The following TSPOAP1 variants were observed in gnomAD, a reference collection of about 807,000 sequenced individuals.
TSPOAP1 encodes TSPO associated protein 1, also known as peripheral-type benzodiazepine receptor-associated protein 1.
Under a neutral mutation model 197.0 loss-of-function variants are expected in TSPOAP1, and 87 were observed. The observed-to-expected ratio is 0.44, with a 90% CI of 0.37 to 0.53. The LOEUF (loss-of-function observed/expected upper bound fraction) is 0.53. Ranked by LOEUF, TSPOAP1 falls within the 20% of genes least tolerant of loss-of-function variation. The pLI, the probability that TSPOAP1 is intolerant of heterozygous loss-of-function variation, is 0.00. For missense variants in TSPOAP1, 2,174 were observed against 2,411.3 expected (o/e 0.90, Z 2.06); for synonymous variants, 913 against 998.9 (o/e 0.91, Z 1.62).
Position 58,307,899 on chromosome 17 carries a change from G to A in TSPOAP1, c.4774C>T (p.Arg1592Trp), listed in dbSNP as rs368227357. The A allele has an allele frequency of 5.0e-6, 8 of 1,613,288 alleles. No individual in the cohort carries two copies. Among genetic ancestry groups the A allele is most frequent in the South Asian group, 2.2e-5 (2 of 91,074 alleles). The change falls in exon 23 of 32, where the codon CGG becomes TGG. Residue 1592 changes from arginine (R) to tryptophan (W), a missense_variant. Transcript: ENST00000343736. ...GEARGQDGSG[R>W]RGPQKRGVRV... ...ACACCTCTCTTCTGGGGGCCCCTCCGCCCAGAGCCGTCCTGCCCTCTGGCC... is the reference window on the plus strand; with the variant it reads ...ACACCTCTCTTCTGGGGGCCCCTCCACCCAGAGCCGTCCTGCCCTCTGGCC...
rs1971562435 is a variant in TSPOAP1, at chr17:58,325,550, A to G, written c.734T>C (p.Leu245Pro). Reference protein sequence around the residue: ...QRECRELQARLTLVGKEGPQW... With the variant: ...QRECRELQARPTLVGKEGPQW... Reference sequence around the variant, plus strand: ...TCCTCGCACCTTGCCCACCAGAGTGAGCCTGGCCTGCAGCTCCCTGCACTC... The same window carrying G: ...TCCTCGCACCTTGCCCACCAGAGTGGGCCTGGCCTGCAGCTCCCTGCACTC... Residue 245 changes from leucine to proline, a missense_variant, in exon 4 of 32, where the codon CTC becomes CCC. By Grantham distance (98) the Leu-to-Pro change is moderately conservative. This residue lies in a region of TSPOAP1 where 1,933 missense variants were observed against 2,139.0 expected (regional missense o/e 0.90). Coordinates refer to ENST00000343736, the MANE Select transcript of TSPOAP1 (RefSeq NM_004758.4). 1 of 1,612,552 alleles carries G rather than the reference A, an allele frequency of 6.2e-7. No individual in the cohort carries two copies. The highest frequency in any genetic ancestry group is 8.5e-7 in the Non-Finnish European group (1 of 1,180,018).
intron 25 of TSPOAP1, 171 bp from the exon 26 acceptor site, chr17:58,306,584 G>A (rs1033910553): frequency 1.1e-6 from 1 of 891,290 alleles, no homozygotes; most frequent in African/African-American, 1.7e-5. Flanking sequence ...CAAAATTCCT[G>A]GCTGCATGGC....
In TSPOAP1 at chr17:58,328,210, A is replaced by G; in HGVS notation, c.-290T>C. The G allele has an allele frequency of 2.1e-6, 1 of 471,428 alleles. No homozygotes were observed. The highest frequency in any genetic ancestry group is 3.9e-6 in the Non-Finnish European group (1 of 257,100). The allele number at this position is 471,428 out of a possible 1,614,324, so 29.2% of individuals were successfully genotyped here. On this transcript the variant is annotated 5_prime_UTR_variant, in exon 1 of 32. Transcript: ENST00000343736. The surrounding 1 kb of genome is among the most constrained non-coding windows in gnomAD (Gnocchi z 4.3). Reference sequence around the variant, plus strand: ...CCCTGTGGGGGTAGGGAGGATGTGCAGAGGCCACCGACAGCTGCGCCTGGG... The same window carrying G: ...CCCTGTGGGGGTAGGGAGGATGTGCGGAGGCCACCGACAGCTGCGCCTGGG...
Position 58,310,541 on chromosome 17 carries a change from G to C in TSPOAP1, c.3670C>G (p.Pro1224Ala), listed in dbSNP as rs1351326998. Residue 1224 changes from proline (P) to alanine (A), a missense_variant, in exon 20 of 32, where the codon CCA (proline) becomes GCA (alanine). By Grantham distance (27) the Pro-to-Ala change is conservative. Coordinates refer to ENST00000343736, the MANE Select transcript of TSPOAP1 (RefSeq NM_004758.4). ...GCCCTGGGCCTCAGCCCAGACCCTG[G>C]GTCTCCTCCTTGGCACATCTCGGTA... ...PNTEMCQGGDPGSGLRPRAEK... is the reference protein window; with the variant it reads ...PNTEMCQGGDAGSGLRPRAEK... The C allele has an allele frequency of 3.1e-6, 5 of 1,613,436 alleles. No homozygotes were observed. In the South Asian group the frequency reaches 5.5e-5, roughly 18 times the overall value.
At chr17:58,323,430 C>T (rs1430486665) in intron 6 of TSPOAP1, 38 bp downstream of exon 6, 1 of 1,614,244 alleles carries the variant, frequency 6.2e-7, no homozygotes, top group Non-Finnish European at 8.5e-7. Flanking sequence ...TACATCTGCC[C>T]ACAGCAGGCT....
rs1401087038 is a variant in TSPOAP1, at chr17:58,319,959, G to T, written c.1494+150C>A. On this transcript the variant is annotated intron_variant, in intron 12 of 31. Transcript: ENST00000343736. ...ACAAGGGGACAGCCGCACGTGTCCT[G>T]TGGGAACTCCACCCCCTATGGATTC... 6 of 1,043,102 alleles carry T rather than the reference G, an allele frequency of 5.8e-6. No individual in the cohort carries two copies. The African/African-American group carries it at 9.4e-5, about 16-fold the overall frequency. 64.6% of individuals were successfully genotyped at this position (1,043,102 alleles called of 1,614,324 possible).
Position 58,326,921 on chromosome 17 carries a change from G to T in TSPOAP1, c.334-131C>A. 1.3e-6 allele frequency: 1 copy of T among 753,716 alleles called. No individual in the cohort carries two copies. Among genetic ancestry groups the T allele is most frequent in the South Asian group, 1.7e-5 (1 of 59,584 alleles). 46.7% of individuals were successfully genotyped at this position (753,716 alleles called of 1,614,324 possible). ...ATGAAACGGTTTCCCCTATGTCCCAGGCCTTCAGAGAGGAGCAGAGGAGGC... is the reference window on the plus strand; with the variant it reads ...ATGAAACGGTTTCCCCTATGTCCCATGCCTTCAGAGAGGAGCAGAGGAGGC... On this transcript the variant is annotated intron_variant, in intron 1 of 31. Transcript: ENST00000343736. The surrounding 1 kb of genome is among the most constrained non-coding windows in gnomAD (Gnocchi z 4.7).
At position 58,312,055 on chromosome 17, in the gene TSPOAP1, A is replaced by C. The variant is rs1567843026; in HGVS notation, c.2766T>G (p.Pro922=). Residue 922 remains proline (P), a synonymous_variant, in exon 17 of 32, where the codon CCT becomes CCG. Transcript: ENST00000343736. The part of the protein sequence containing the change: ...AIYLNGEECP[P]ASPSTYWATF... ...TGGCCCAGTAGGTACTGGGGCTGGC[A>C]GGTGGGCACTCTTCCCCATTGAGGT... 1 of 1,613,398 alleles carries C rather than the reference A, an allele frequency of 6.2e-7. No individual in the cohort carries two copies. Among genetic ancestry groups the C allele is most frequent in the Non-Finnish European group, 8.5e-7 (1 of 1,179,970 alleles).
At chr17:58,321,143 G>A (rs925676793) in intron 10 of TSPOAP1, among the ~76,000 whole-genome samples, 3 of 152,034 alleles carry the variant, frequency 2.0e-5, no homozygotes, top group Non-Finnish European at 2.9e-5. Flanking sequence ...GGCCCAAATG[G>A]AACTCAGCAC....
In TSPOAP1 at chr17:58,311,888, A is replaced by G. The variant is rs1244696793; in HGVS notation, c.2929+4T>C. On this transcript the variant is annotated splice_donor_region_variant and intron_variant, in intron 17 of 31. Coordinates refer to ENST00000343736, the MANE Select transcript of TSPOAP1 (RefSeq NM_004758.4). Reference sequence around the variant, plus strand: ...TCTGGACAACAGGGCCCAAGCCCACATACCTGCTGGGAGTGTGGTGAACTG... The same window carrying G: ...TCTGGACAACAGGGCCCAAGCCCACGTACCTGCTGGGAGTGTGGTGAACTG... The G allele has an allele frequency of 6.5e-7, 1 of 1,535,254 alleles. No homozygotes were observed. Among genetic ancestry groups the G allele is most frequent in the South Asian group, 1.3e-5 (1 of 78,724 alleles).
chr17:58,318,875 G>A (rs547314269), intron 13 of TSPOAP1, among the ~76,000 whole-genome samples: 1 of 152,272 alleles, frequency 6.6e-6, no homozygotes, highest in Non-Finnish European at 1.5e-5. Flanking sequence ...TGGAAGGAGA[G>A]GAGCAGTGGC....
chr17:58,312,672 G>T lies in TSPOAP1; in HGVS notation c.2149C>A (p.Arg717Ser). Residue 717 changes from arginine (R) to serine (S), a missense_variant, in exon 17 of 32, where the codon CGT (arginine) becomes AGT (serine). Transcript: ENST00000343736. ...RGLVPSNFVERVSDDDLLTSL... is the reference protein window; with the variant it reads ...RGLVPSNFVESVSDDDLLTSL... ...GTCAGGAGGTCATCATCCGACACAC[G>T]CTCTACAAAATTGGAAGGGACCAGG... 6.2e-7 allele frequency: 1 copy of T among 1,613,672 alleles called. No homozygotes were observed.
rs920423623 is a variant in TSPOAP1, at chr17:58,309,568, A to G, written c.3892-188T>C. On this transcript the variant is annotated intron_variant, in intron 21 of 31. Transcript: ENST00000343736. This position sits in a 1 kb window ranked among gnomAD's most constrained non-coding sequence, Gnocchi z 5.0. The stretch of plus-strand genomic sequence containing the variant: ...GTGGCTGGCCCAAATTCACACACAT[A>G]TCCAGTGAGAGCCAAAGGAAGAATT... Among the ~76,000 whole-genome samples the G allele has an allele frequency of 1.3e-5, 2 of 151,890 alleles. No individual in the cohort carries two copies. The highest frequency in any genetic ancestry group is 4.8e-5 in the African/African-American group (2 of 41,318).
At position 58,310,139 on chromosome 17, in the gene TSPOAP1, A is replaced by G. The variant is rs1271124666; in HGVS notation, c.3719T>C (p.Leu1240Pro). Reference sequence around the variant, plus strand: ...GAGGGAGTTCACCAGATGAACCCCAAGCTCTGCTGTGTCCTCCTTCTGCAA... The same window carrying G: ...GAGGGAGTTCACCAGATGAACCCCAGGCTCTGCTGTGTCCTCCTTCTGCAA... ...PRAEKEDTAE[L>P]GVHLVNSLVD... is the part of the protein sequence containing the mutation. The change falls in exon 21 of 32, where the codon CTT becomes CCT. Residue 1240 changes from leucine to proline, a missense_variant. By Grantham distance (98) the Leu-to-Pro change is moderately conservative. This residue lies in a region of TSPOAP1 where 1,933 missense variants were observed against 2,139.0 expected (regional missense o/e 0.90). Transcript: ENST00000343736. The G allele has an allele frequency of 6.2e-7, 1 of 1,613,056 alleles. No individual in the cohort carries two copies.
Position 58,316,113 on chromosome 17 carries a change from G to A in TSPOAP1, c.2008C>T (p.Pro670Ser). 6.2e-7 allele frequency: 1 copy of A among 1,614,038 alleles called. No homozygotes were observed. Among genetic ancestry groups the A allele is most frequent in the East Asian group, 2.2e-5 (1 of 44,864 alleles). Residue 670 changes from proline (P) to serine (S), a missense_variant, in exon 16 of 32, where the codon CCC (proline) becomes TCC (serine). Around this residue, in one of 5 missense-constraint regions of TSPOAP1, gnomAD observed 1,933 missense variants for 2,139.0 expected, o/e 0.90. Coordinates refer to ENST00000343736, the MANE Select transcript of TSPOAP1 (RefSeq NM_004758.4). ...AGCTCTGCTTCTGGATTCTCATTGG[G>A]ACCCTCAAAGGGGTTGTAGCTGTTA... is the stretch of plus-strand genomic sequence containing the variant. ...ARYSYNPFEG[P>S]NENPEAELPL...
Position 58,324,707 on chromosome 17 carries a change from A to G in TSPOAP1, c.942+104T>C, listed in dbSNP as rs1268308960. ...AGCCCCTGGGAGTGCGCACACCACC[A>G]CTGAGTCCTTGGGGTTCTGAGCACG... On this transcript the variant is annotated intron_variant, in intron 5 of 31. Coordinates refer to ENST00000343736, the MANE Select transcript of TSPOAP1 (RefSeq NM_004758.4). This position sits in a 1 kb window ranked among gnomAD's most constrained non-coding sequence, Gnocchi z 5.8. 1 of 1,038,798 alleles carries G rather than the reference A, an allele frequency of 9.6e-7. No homozygotes were observed. Among genetic ancestry groups the G allele is most frequent in the Non-Finnish European group, 1.3e-6 (1 of 765,418 alleles). The allele number at this position is 1,038,798 out of a possible 1,614,324, so 64.3% of individuals were successfully genotyped here. A position where few individuals can be genotyped will look rare whatever the true frequency, so the allele number is the denominator to read the frequency against.
intron 16 of TSPOAP1, among the ~76,000 whole-genome samples, chr17:58,314,640 G>A (rs1971166614): frequency 6.6e-6 from 1 of 152,230 alleles, no homozygotes; most frequent in Admixed American, 6.5e-5. Flanking sequence ...CAGACTTCTG[G>A]CCTCCAGAAG....
rs1379447378 is a variant in TSPOAP1 at position 58,326,769 on chromosome 17, C to A, written c.355G>T (p.Gly119Trp). 6.2e-7 allele frequency: 1 copy of A among 1,614,038 alleles called. No individual in the cohort carries two copies. Among genetic ancestry groups the A allele is most frequent in the Non-Finnish European group, 8.5e-7 (1 of 1,180,000 alleles). The part of the protein sequence containing the change: ...FLKAKLNMSF[G>W]DRPNLELLRA... Reference sequence around the variant, plus strand: ...AGCAGCTCCAGATTGGGCCTGTCCCCAAAGCTCATATTCAGCTTGGCCTGG... The same window carrying A: ...AGCAGCTCCAGATTGGGCCTGTCCCAAAAGCTCATATTCAGCTTGGCCTGG... The change falls in exon 2 of 32, where the codon GGG becomes TGG. Residue 119 changes from glycine to tryptophan, a missense_variant. Gly to Trp is a radical substitution (Grantham distance 184). Transcript: ENST00000343736. This position sits in a 1 kb window ranked among gnomAD's most constrained non-coding sequence, Gnocchi z 4.7.
At chr17:58,318,951 G>A (rs1389834416) in intron 13 of TSPOAP1, 139 bp downstream of exon 13, 16 of 981,714 alleles carry the variant, frequency 1.6e-5, no homozygotes, top group Middle Eastern at 3.3e-4. Flanking sequence ...CCAACAGAAC[G>A]TGGTTCTAGC....
Sources: allele counts gnomAD v4.1 joint callset (sites outside exome capture counted in the v4.1 genomes callset), GRCh38; gene constraint gnomAD v4.1.1; regional missense constraint gnomAD v4.1.1; non-coding constraint Gnocchi (gnomAD v3.1); transcripts MANE v1.5; gene names NCBI Gene and HGNC (gene_info 2026-07-23, HGNC 2026-07-21).